The following CSMD1 variants were observed in gnomAD, a reference collection of about 807,000 sequenced individuals.
CSMD1 encodes CUB and Sushi multiple domains 1.
A neutral mutation model predicts 417.5 loss-of-function variants in CSMD1; 213 were observed. The observed-to-expected ratio is 0.51, with a 90% CI of 0.46 to 0.57. CSMD1 has a LOEUF of 0.57. CSMD1 is among the 20% of genes least tolerant of loss of function. The pLI is 0.00. For missense variants in CSMD1, 6,923 were observed against 4,529.7 expected (o/e 1.53, Z -15.17); for synonymous variants, 2,862 against 1,736.8 (o/e 1.65, Z -16.11).
chr8:4,974,023 A>G (rs1019393540), intron 1 of CSMD1, among the ~76,000 whole-genome samples: 4 of 152,006 alleles, frequency 2.6e-5, no homozygotes, highest in African/African-American at 9.7e-5. Flanking sequence ...AAATTATTTT[A>G]TTTACTTATT....
intron 3 of CSMD1, among the ~76,000 whole-genome samples, chr8:4,158,989 C>T (rs1016780263): frequency 1.3e-5 from 2 of 152,174 alleles, no homozygotes; most frequent in East Asian, 3.8e-4. Flanking sequence ...AATCTCAGCT[C>T]ACCACAACCT....
chr8:4,303,930 A>C (rs866524747), intron 3 of CSMD1, among the ~76,000 whole-genome samples: 1 of 152,070 alleles, frequency 6.6e-6, no homozygotes, highest in African/African-American at 2.4e-5. Flanking sequence ...TTTTCTAAAG[A>C]AAGGATAAGC....
intron 5 of CSMD1, among the ~76,000 whole-genome samples, chr8:3,883,963 G>C (rs561235993): frequency 5.3e-5 from 8 of 152,078 alleles, no homozygotes; most frequent in African/African-American, 1.9e-4. Flanking sequence ...TAGATATAGA[G>C]TGTGCACATA....
intron 5 of CSMD1, among the ~76,000 whole-genome samples, chr8:3,971,309 G>A (rs1303675589): frequency 6.6e-6 from 1 of 152,150 alleles, no homozygotes; most frequent in Non-Finnish European, 1.5e-5. Context: ...GTTCTCCTGA[G>A]TTTCCAGTGG....
intron 1 of CSMD1, among the ~76,000 whole-genome samples, chr8:4,937,306 A>G (rs1321256486): frequency 6.6e-6 from 1 of 152,166 alleles, no homozygotes; most frequent in Non-Finnish European, 1.5e-5. Flanking sequence ...ATATTCATGG[A>G]CTCTACAAGT....
At chr8:4,118,404 A>T (rs938254389) in intron 3 of CSMD1, among the ~76,000 whole-genome samples, 2 of 94,694 alleles carry the variant, frequency 2.1e-5, no homozygotes, top group African/African-American at 9.1e-5. Flanking sequence ...GAAATTTACA[A>T]AAAAAAAAAA....
At chr8:4,289,835 T>G (rs1026706823) in intron 3 of CSMD1, among the ~76,000 whole-genome samples, 4 of 152,190 alleles carry the variant, frequency 2.6e-5, no homozygotes, top group African/African-American at 9.7e-5. Context: ...ATCTAATGTC[T>G]GGCTCAGAGT....
chr8:4,297,869 T>C (rs1358318009), intron 3 of CSMD1, among the ~76,000 whole-genome samples: 1 of 152,200 alleles, frequency 6.6e-6, no homozygotes, highest in Non-Finnish European at 1.5e-5. Flanking sequence ...TCCTGCACTT[T>C]AAAACAAGAA....
At chr8:4,799,602 A>C (rs1414102162) in intron 1 of CSMD1, among the ~76,000 whole-genome samples, 1 of 41,168 alleles carries the variant, frequency 2.4e-5, no homozygotes. Flanking sequence ...CCGTCTCAAA[A>C]AAAAAAAAAA....
At chr8:3,861,981 T>C (rs1001211144) in intron 5 of CSMD1, among the ~76,000 whole-genome samples, 7 of 152,222 alleles carry the variant, frequency 4.6e-5, no homozygotes, top group African/African-American at 1.7e-4. Context: ...GTGATGAATG[T>C]GTTTATATCT....
chr8:3,264,547 C>T (rs1231416451), intron 26 of CSMD1, among the ~76,000 whole-genome samples: 1 of 152,112 alleles, frequency 6.6e-6, no homozygotes, highest in Non-Finnish European at 1.5e-5. Flanking sequence ...TAATGCTTCC[C>T]TGGAGTGGAT....
chr8:3,857,045 C>T (rs1052397989), intron 5 of CSMD1, among the ~76,000 whole-genome samples: 21 of 151,980 alleles, frequency 1.4e-4, no homozygotes, highest in African/African-American at 5.1e-4. Flanking sequence ...TCGAGGGCTT[C>T]TTGTATATCC....
chr8:4,624,416 C>T (rs571105506), intron 2 of CSMD1, among the ~76,000 whole-genome samples: 2 of 152,122 alleles, frequency 1.3e-5, no homozygotes, highest in Non-Finnish European at 2.9e-5. Flanking sequence ...GGATGCCTTT[C>T]CCAATCCTCT....
chr8:3,860,494 G>A (rs550219261), intron 5 of CSMD1, among the ~76,000 whole-genome samples: 1 of 152,060 alleles, frequency 6.6e-6, no homozygotes, highest in Non-Finnish European at 1.5e-5. Context: ...TGTACTTGAA[G>A]TTCCTTTATG....
intron 3 of CSMD1, among the ~76,000 whole-genome samples, chr8:4,325,005 G>A (rs1383242568): frequency 6.6e-6 from 1 of 152,094 alleles, no homozygotes; most frequent in Non-Finnish European, 1.5e-5. Flanking sequence ...TCCTGGTGTG[G>A]TCACTCATTG....
chr8:4,548,029 T>C (rs1160190519), intron 2 of CSMD1, among the ~76,000 whole-genome samples: 1 of 152,118 alleles, frequency 6.6e-6, no homozygotes, highest in Admixed American at 6.6e-5. Context: ...TAAAAAACAT[T>C]GTGGGTTACA....
At chr8:4,455,191 G>C (rs1238838128) in intron 2 of CSMD1, among the ~76,000 whole-genome samples, 1 of 149,414 alleles carries the variant, frequency 6.7e-6, no homozygotes, top group Non-Finnish European at 1.5e-5. Context: ...TGCAACAAAA[G>C]CTATGACTCT....
At chr8:4,975,329 G>A (rs775334930) in intron 1 of CSMD1, among the ~76,000 whole-genome samples, 1 of 152,182 alleles carries the variant, frequency 6.6e-6, no homozygotes, top group Non-Finnish European at 1.5e-5. Context: ...TGAGTTAAAA[G>A]CATTGGCAAT....
At chr8:3,591,231 T>G (rs1800830554) in intron 8 of CSMD1, among the ~76,000 whole-genome samples, 2 of 152,122 alleles carry the variant, frequency 1.3e-5, no homozygotes, top group Admixed American at 1.3e-4. Context: ...AGCAGCAAAA[T>G]TTTGACTTTT....
Sources: allele counts gnomAD v4.1 joint callset (sites outside exome capture counted in the v4.1 genomes callset), GRCh38; gene constraint gnomAD v4.1.1; transcripts MANE v1.5; gene names NCBI Gene and HGNC (gene_info 2026-07-23, HGNC 2026-07-21).